Variants in SMOC2 observed in about 807,000 individuals in gnomAD.
SMOC2 encodes SPARC-related modular calcium-binding protein 2.
A neutral mutation model predicts 61.4 loss-of-function variants in SMOC2; 39 were observed. The ratio of observed to expected loss-of-function variants is 0.64; its 90% CI spans 0.49 to 0.83. SMOC2 has a LOEUF of 0.83. Among genes scored for constraint, SMOC2 ranks in the 40% least tolerant of loss-of-function variants. The pLI, the probability that SMOC2 is intolerant of heterozygous loss-of-function variation, is 0.00. For missense variants in SMOC2, 556 were observed against 592.9 expected, an observed-to-expected ratio of 0.94 and a Z score of 0.65; for synonymous variants, 247 against 239.9, an observed-to-expected ratio of 1.03 and a Z score of -0.27.
chr6:168,569,196 T>G (rs191016943), intron 7 of SMOC2, among the ~76,000 whole-genome samples: 162 of 152,324 alleles, frequency 1.1e-3, no homozygotes, highest in African/African-American at 3.6e-3. Flanking sequence ...GCAGCTGGTG[T>G]TGTCAATGTT....
At chr6:168,661,518 C>T (rs111803393) in intron 11 of SMOC2, among the ~76,000 whole-genome samples, 3 of 152,120 alleles carry the variant, frequency 2.0e-5, no homozygotes, top group Non-Finnish European at 4.4e-5. Context: ...AGGAAAATTG[C>T]TTGAACCAGG....
At chr6:168,635,685 A>G (rs1280753826) in intron 9 of SMOC2, among the ~76,000 whole-genome samples, 1 of 152,044 alleles carries the variant, frequency 6.6e-6, no homozygotes. Flanking sequence ...AGCCTGGTCA[A>G]CACAGTGAAA....
At chr6:168,467,310 GT>G (rs10717480) in intron 1 of SMOC2, among the ~76,000 whole-genome samples, 42,872 of 145,814 alleles carry the variant, frequency 0.29, 7,946 homozygotes, top group African/African-American at 0.52. Flanking sequence ...CCCTGCTAAG[GT>G]TTTTTTTTTT....
intron 9 of SMOC2, among the ~76,000 whole-genome samples, chr6:168,642,223 C>A (rs993717519): frequency 6.6e-6 from 1 of 152,148 alleles, no homozygotes; most frequent in African/African-American, 2.4e-5. Context: ...AGAAGATTTA[C>A]GGACAGAAAA....
At chr6:168,566,576 A>G (rs1784547193) in intron 7 of SMOC2, among the ~76,000 whole-genome samples, 2 of 144,442 alleles carry the variant, frequency 1.4e-5, no homozygotes, top group South Asian at 4.3e-4. Flanking sequence ...GCCACCTCCC[A>G]GGTTCAAGTG....
At chr6:168,609,808 TCTTAA>T (rs1045595818) in intron 9 of SMOC2, among the ~76,000 whole-genome samples, 14 of 152,212 alleles carry the variant, frequency 9.2e-5, no homozygotes, top group East Asian at 1.9e-4. Context: ...AGTCCAAGAT[TCTTAA>T]CTTATTTTTT....
intron 1 of SMOC2, among the ~76,000 whole-genome samples, chr6:168,484,748 G>A (rs1055392286): frequency 6.6e-6 from 1 of 152,176 alleles, no homozygotes; most frequent in African/African-American, 2.4e-5. Flanking sequence ...ACATAAAAAG[G>A]AATATTATTC....
intron 9 of SMOC2, among the ~76,000 whole-genome samples, chr6:168,635,777 A>G (rs866077809): frequency 6.6e-6 from 1 of 151,812 alleles, no homozygotes; most frequent in African/African-American, 2.4e-5. Context: ...AGGCTGAGGC[A>G]TGAGAACTGC....
At position 168,563,149 on chromosome 6, in the gene SMOC2, G is replaced by A. The variant is rs899845274; in HGVS notation, c.637+13946G>A. ...TTTTAGGAAAAAGCAGGTATTCATCGCGATCTCTCTGCATGGTGTGGATCC... is the reference window on the plus strand; with the variant it reads ...TTTTAGGAAAAAGCAGGTATTCATCACGATCTCTCTGCATGGTGTGGATCC... On this transcript the variant is annotated intron_variant, in intron 7 of 12. Transcript: ENST00000356284. 2.0e-5 allele frequency among the ~76,000 whole-genome samples: 3 copies of A among 152,314 alleles called. No homozygotes were observed. In the East Asian group the frequency reaches 5.8e-4, roughly 29 times the overall value.
At chr6:168,595,316 C>G (rs577911499) in intron 7 of SMOC2, among the ~76,000 whole-genome samples, 8 of 152,288 alleles carry the variant, frequency 5.3e-5, no homozygotes, top group African/African-American at 1.7e-4. Context: ...CGGCCCCATG[C>G]GCCTCCCCAA....
chr6:168,516,331 GCTGT>G (rs887206017), intron 2 of SMOC2, among the ~76,000 whole-genome samples: 1 of 151,034 alleles, frequency 6.6e-6, no homozygotes, highest in African/African-American at 2.4e-5. Flanking sequence ...GACTTTTAGG[GCTGT>G]CTTTCTTTTC....
At chr6:168,653,626 CCAAA>C (rs1787258306) in intron 11 of SMOC2, among the ~76,000 whole-genome samples, 2 of 135,848 alleles carry the variant, frequency 1.5e-5, no homozygotes, top group Non-Finnish European at 3.3e-5. Context: ...TGAGCTCCAA[CCAAA>C]TGTTAGGAAC....
At position 168,647,715 on chromosome 6, in the gene SMOC2, C is replaced by T. The variant is rs367740018; in HGVS notation, c.908-2966C>T. 1.8e-4 allele frequency among the ~76,000 whole-genome samples: 27 copies of T among 152,282 alleles called. No homozygotes were observed. In the East Asian group the frequency reaches 4.1e-3, roughly 23 times the overall value. ...CTTCTGTGATTTCTCATGCAGTGAA[C>T]ATTCACTTTAACATAATGAAAGTTA... is the stretch of plus-strand genomic sequence containing the variant. On this transcript the variant is annotated intron_variant, in intron 9 of 12. Transcript: ENST00000356284.
chr6:168,522,942 T>C (rs540658333), intron 2 of SMOC2, among the ~76,000 whole-genome samples: 5 of 152,184 alleles, frequency 3.3e-5, no homozygotes, highest in African/African-American at 1.2e-4. Flanking sequence ...GGGCATTCTT[T>C]TGGGAATGAG....
At chr6:168,606,376 A>G (rs1785690029) in intron 8 of SMOC2, among the ~76,000 whole-genome samples, 1 of 152,120 alleles carries the variant, frequency 6.6e-6, no homozygotes, top group Admixed American at 6.5e-5. Flanking sequence ...CAATATTTCA[A>G]AAAGATATAT....
chr6:168,547,455 C>T (rs973657471), intron 6 of SMOC2, among the ~76,000 whole-genome samples: 1 of 151,908 alleles, frequency 6.6e-6, no homozygotes, highest in Non-Finnish European at 1.5e-5. Context: ...CCAGAGGCTG[C>T]GAAGCTGCAG....
intron 9 of SMOC2, among the ~76,000 whole-genome samples, chr6:168,612,586 G>C (rs1425487524): frequency 1.3e-5 from 2 of 152,020 alleles, no homozygotes; most frequent in Admixed American, 6.6e-5. Flanking sequence ...GGGAGAGGGT[G>C]ACCCCAGCCT....
chr6:168,491,762 T>C (rs1782474960), intron 1 of SMOC2, among the ~76,000 whole-genome samples: 1 of 152,198 alleles, frequency 6.6e-6, no homozygotes, highest in Non-Finnish European at 1.5e-5. Flanking sequence ...TATTTTGTTA[T>C]TTTTAAAGAG....
chr6:168,566,685 A>G (rs1364868981), intron 7 of SMOC2, among the ~76,000 whole-genome samples: 2 of 151,626 alleles, frequency 1.3e-5, no homozygotes, highest in Non-Finnish European at 2.9e-5. Flanking sequence ...TGGAGAGTAG[A>G]GTATTTTGTA....
Sources: gnomAD v4.1 joint callset for allele counts (sites outside exome capture counted in the v4.1 genomes callset) on GRCh38, gnomAD v4.1.1 for gene constraint, MANE v1.5 for transcripts, NCBI Gene and HGNC (gene_info 2026-07-23, HGNC 2026-07-21) for gene names.